The following SLC9A8 variants were observed in gnomAD, a reference collection of about 807,000 sequenced individuals.
SLC9A8 encodes solute carrier family 9 member A8.
Under a neutral mutation model 66.6 loss-of-function variants are expected in SLC9A8, and 48 were observed. That is an observed-to-expected ratio of 0.72 (90% CI 0.57 to 0.92). The LOEUF (loss-of-function observed/expected upper bound fraction) is 0.92, where lower values mean the gene tolerates loss of function less well. Among genes scored for constraint, SLC9A8 ranks in the 40% least tolerant of loss-of-function variants. The pLI, the probability that SLC9A8 is intolerant of heterozygous loss-of-function variation, is 0.00. For missense variants in SLC9A8, 599 were observed against 747.3 expected, an observed-to-expected ratio of 0.80 and a Z score of 2.31; for synonymous variants, 274 against 282.6, an observed-to-expected ratio of 0.97 and a Z score of 0.31.
intron 11 of SLC9A8, among the ~76,000 whole-genome samples, 195 bp from the exon 12 acceptor site, chr20:49,877,786 T>A (rs1417815151): frequency 6.6e-6 from 1 of 152,238 alleles, no homozygotes. Context: ...ACCAGGGACA[T>A]GTAGCTTATG....
In SLC9A8 at chr20:49,849,653, A is replaced by G; in HGVS notation, c.507A>G (p.Val169=). The G allele has an allele frequency of 6.2e-7, 1 of 1,613,218 alleles. No homozygotes were observed. The highest frequency in any genetic ancestry group is 8.5e-7 in the Non-Finnish European group (1 of 1,179,132). ...GGACGGCAATCTCCGCTTTTGTAGT[A>G]GGTGGAGGAATTTATTTTCTGGGTC... The part of the protein sequence containing the change: ...VFGTAISAFV[V]GGGIYFLGQA... Residue 169 remains valine, a synonymous_variant, in exon 6 of 16, where the codon GTA becomes GTG. Transcript: ENST00000361573.
At chr20:49,849,556 C>T in intron 5 of SLC9A8, 23 bp from the exon 6 acceptor site, 2 of 1,576,112 alleles carry the variant, frequency 1.3e-6, no homozygotes, top group Admixed American at 1.7e-5. Context: ...AATCATTTCC[C>T]TGATTTCTGC....
chr20:49,813,316 C>T (rs1173112990), intron 1 of SLC9A8, among the ~76,000 whole-genome samples: 1 of 152,220 alleles, frequency 6.6e-6, no homozygotes, highest in Admixed American at 6.5e-5. Flanking sequence ...TCCTACGTAG[C>T]CAGTCGCCTC....
chr20:49,841,109 A>T (rs773966377), intron 4 of SLC9A8, among the ~76,000 whole-genome samples: 106 of 152,300 alleles, frequency 7.0e-4, no homozygotes, highest in Middle Eastern at 3.4e-3. Context: ...GTTTGAGACC[A>T]GCCTGGCCAA....
At chr20:49,814,843 G>T (rs888550351) in intron 1 of SLC9A8, among the ~76,000 whole-genome samples, 165 bp from the exon 2 acceptor site, 6 of 152,122 alleles carry the variant, frequency 3.9e-5, no homozygotes, top group African/African-American at 1.4e-4. Flanking sequence ...CCCTTGTGCT[G>T]TGCAGGCAGG....
chr20:49,842,065 T>TA (rs2087789597), intron 4 of SLC9A8, among the ~76,000 whole-genome samples: 1 of 150,908 alleles, frequency 6.6e-6, no homozygotes, highest in Non-Finnish European at 1.5e-5. Context: ...TTTTATTTTT[T>TA]TTTTTTTGCT....
Position 49,849,563 on chromosome 20 carries a change from C to T in SLC9A8, c.433-16C>T, listed in dbSNP as rs6122838. 1.3e-6 allele frequency: 2 copies of T among 1,591,850 alleles called. No homozygotes were observed. Among genetic ancestry groups the T allele is most frequent in the Admixed American group, 3.3e-5 (2 of 59,970 alleles). ...GCTTTTCTAATCATTTCCCTGATTT[C>T]TGCTCTTTCAAACAGGGTAACTTCT... On this transcript the variant is annotated splice_polypyrimidine_tract_variant and intron_variant, in intron 5 of 15. Transcript: ENST00000361573.
intron 10 of SLC9A8, among the ~76,000 whole-genome samples, chr20:49,865,298 C>T (rs993189152): frequency 2.0e-5 from 3 of 152,180 alleles, no homozygotes; most frequent in Non-Finnish European, 4.4e-5. Flanking sequence ...TAATACAACT[C>T]CCTCCAAAAC....
chr20:49,887,842 G>A lies in SLC9A8; in HGVS notation c.1652G>A (p.Gly551Glu), dbSNP rs777121946. Reference sequence around the variant, plus strand: ...CTCTCGACCCAGGACCTGCACCACGGGCGCATCCAGATGAAAACTCTCACC... The same window carrying A: ...CTCTCGACCCAGGACCTGCACCACGAGCGCATCCAGATGAAAACTCTCACC... Reference protein sequence around the residue: ...RRLTQEDLHHGRIQMKTLTNK... With the variant: ...RRLTQEDLHHERIQMKTLTNK... The change falls in exon 16 of 16, where the codon GGG becomes GAG. Residue 551 changes from glycine (G) to glutamate (E), a missense_variant. Gly to Glu is a moderately conservative substitution (Grantham distance 98, BLOSUM62 -2). Transcript: ENST00000361573. 1.6e-5 allele frequency: 26 copies of A among 1,609,576 alleles called. No homozygotes were observed. The highest frequency in any genetic ancestry group is 2.2e-5 in the Non-Finnish European group (26 of 1,177,398).
intron 2 of SLC9A8, among the ~76,000 whole-genome samples, chr20:49,817,064 A>C (rs1275796992): frequency 6.7e-6 from 1 of 150,322 alleles, no homozygotes; most frequent in Non-Finnish European, 1.5e-5. Context: ...GCCGTGGCTC[A>C]CACCTATAAT....
intron 10 of SLC9A8, among the ~76,000 whole-genome samples, chr20:49,866,721 C>T (rs6020094): frequency 6.6e-6 from 1 of 152,100 alleles, no homozygotes; most frequent in Non-Finnish European, 1.5e-5. Context: ...TTCCGCCTTC[C>T]TCTTCCCCTT....
chr20:49,834,362 ATACTGTG>A, intron 3 of SLC9A8, among the ~76,000 whole-genome samples: 1 of 62,496 alleles, frequency 1.6e-5, no homozygotes, highest in African/African-American at 6.4e-5. Context: ...ATATATATAT[ATACTGTG>A]TATATATATA....
intron 10 of SLC9A8, among the ~76,000 whole-genome samples, chr20:49,865,339 A>G (rs1353025543): frequency 6.6e-6 from 1 of 152,198 alleles, no homozygotes; most frequent in African/African-American, 2.4e-5. Flanking sequence ...ACTCAGTGCT[A>G]CATAGAGGGA....
intron 15 of SLC9A8, among the ~76,000 whole-genome samples, chr20:49,887,330 C>G (rs1018479293): frequency 1.3e-5 from 2 of 152,120 alleles, no homozygotes; most frequent in South Asian, 2.1e-4. Flanking sequence ...TGCTGCTGCC[C>G]GCTTTGTTTC....
At chr20:49,862,741 C>T (rs2088797854) in intron 8 of SLC9A8, among the ~76,000 whole-genome samples, 188 bp from the exon 9 acceptor site, 1 of 152,204 alleles carries the variant, frequency 6.6e-6, no homozygotes, top group Non-Finnish European at 1.5e-5. Flanking sequence ...TTGCTCTCAT[C>T]TCTGAACCCC....
At position 49,812,892 on chromosome 20, in the gene SLC9A8, C is replaced by T; in HGVS notation, c.-31C>T. The T allele has an allele frequency of 6.7e-7, 1 of 1,497,950 alleles. No individual in the cohort carries two copies. Among genetic ancestry groups the T allele is most frequent in the Non-Finnish European group, 8.9e-7 (1 of 1,125,282 alleles). The allele number at this position is 1,497,950 out of a possible 1,614,324, so 92.8% of individuals were successfully genotyped here. ...AGCGGGTCCTGCTAGCCCCGCGGCT[C>T]CGAACTCGGTGGTCCTGGAAGCTCC... On this transcript the variant is annotated 5_prime_UTR_variant, in exon 1 of 16. Transcript: ENST00000361573.
Position 49,852,954 on chromosome 20 carries a change from G to C in SLC9A8, c.569+2110G>C, listed in dbSNP as rs1234682338. 9.9e-5 allele frequency among the ~76,000 whole-genome samples: 15 copies of C among 152,076 alleles called. 1 individual carries two copies. Among genetic ancestry groups the C allele is most frequent in the Non-Finnish European group, 1.5e-5 (1 of 68,024 alleles). ...ACGACATGTACCCAAGATGATCAGA[G>C]CACAGTTTGGTTTTATACATTTTAG... On this transcript the variant is annotated intron_variant, in intron 7 of 15. Transcript: ENST00000361573.
intron 5 of SLC9A8, among the ~76,000 whole-genome samples, chr20:49,845,655 C>G (rs569431690): frequency 6.6e-6 from 1 of 152,312 alleles, no homozygotes; most frequent in African/African-American, 2.4e-5. Context: ...CGCCCACTCC[C>G]TGGTCCAGCT....
Position 49,890,403 on chromosome 20 carries a change from G to A in SLC9A8, c.*2467G>A, listed in dbSNP as rs2090013594. The A allele has an allele frequency of 6.6e-6, 1 of 152,200 alleles. No individual in the cohort carries two copies. Among genetic ancestry groups the A allele is most frequent in the Non-Finnish European group, 1.5e-5 (1 of 68,040 alleles). 9.4% of individuals were successfully genotyped at this position (152,200 alleles called of 1,614,324 possible). A position where few individuals can be genotyped will look rare whatever the true frequency, so the allele number is the denominator to read the frequency against. ...ATACGCAGCTTAACTATATCTTCCT[G>A]CGTGTGTATTTATTTTCTTCTGGGT... On this transcript the variant is annotated 3_prime_UTR_variant, in exon 16 of 16. Coordinates refer to ENST00000361573, the MANE Select transcript of SLC9A8 (RefSeq NM_015266.3).
Sources: allele counts gnomAD v4.1 joint callset (sites outside exome capture counted in the v4.1 genomes callset), GRCh38; gene constraint gnomAD v4.1.1; transcripts MANE v1.5; gene names NCBI Gene and HGNC (gene_info 2026-07-23, HGNC 2026-07-21).